Variants in RFX7 observed in about 807,000 individuals in gnomAD.
The protein encoded by RFX7 is regulatory factor X7.
In RFX7, 26 loss-of-function variants were observed where a neutral mutation model predicts 111.8. The observed-to-expected ratio is 0.23, with a 90% CI of 0.17 to 0.32. The LOEUF is 0.32. Ranked by LOEUF, RFX7 falls within the 10% of genes least tolerant of loss-of-function variation. The pLI is 1.00. For synonymous variants in RFX7, 624 were observed against 624.4 expected, an observed-to-expected ratio of 1.00 and a Z score of 0.01; for missense variants, 1,573 against 1,772.9, an observed-to-expected ratio of 0.89 and a Z score of 2.02.
upstream of RFX7, chr15:56,244,006 G>C (rs2043771930): frequency 6.7e-6 from 1 of 148,480 alleles, no homozygotes; most frequent in African/African-American, 2.5e-5. Flanking sequence ...GCGCGGGCCA[G>C]CGGGCCAGGG....
At position 56,124,079 on chromosome 15, in the gene RFX7, T is replaced by A. The variant is rs140692871; in HGVS notation, c.401+18699A>T. ...AAATTTGGTGTTCCTGCAGGGAGGA[T>A]GATCAGTGGAGGCTTCTATTTGGCC... is the stretch of plus-strand genomic sequence containing the variant. On this transcript the variant is annotated intron_variant, in intron 5 of 9. Coordinates refer to ENST00000559447, the MANE Select transcript of RFX7 (RefSeq NM_022841.7). Among the ~76,000 whole-genome samples the A allele has an allele frequency of 1.1e-3, 161 of 152,308 alleles. 5 individuals carry two copies. In the East Asian group the frequency reaches 0.026, roughly 25 times the overall value.
intron 3 of RFX7, among the ~76,000 whole-genome samples, chr15:56,165,137 T>C (rs2042768328): frequency 6.7e-6 from 1 of 149,866 alleles, no homozygotes; most frequent in African/African-American, 2.5e-5. Context: ...AAGAATCTAA[T>C]GCCGCTGCTG....
At chr15:56,229,924 G>C (rs1490058498) in intron 2 of RFX7, among the ~76,000 whole-genome samples, 1 of 151,414 alleles carries the variant, frequency 6.6e-6, no homozygotes, top group Admixed American at 6.6e-5. Flanking sequence ...GGCCCTCACA[G>C]TTGTTTTCCT....
chr15:56,169,330 A>C (rs1351229594), intron 3 of RFX7, among the ~76,000 whole-genome samples: 1 of 152,206 alleles, frequency 6.6e-6, no homozygotes, highest in African/African-American at 2.4e-5. Context: ...TATGGTGAGC[A>C]TTTATTTTTA....
At chr15:56,124,547 C>T (rs1297083073) in intron 5 of RFX7, among the ~76,000 whole-genome samples, 2 of 152,198 alleles carry the variant, frequency 1.3e-5, no homozygotes, top group African/African-American at 4.8e-5. Flanking sequence ...CTGAAAGTAG[C>T]TATCCTAACA....
At chr15:56,197,557 T>C (rs2043156868) in intron 2 of RFX7, among the ~76,000 whole-genome samples, 2 of 152,106 alleles carry the variant, frequency 1.3e-5, no homozygotes, top group Non-Finnish European at 2.9e-5. Flanking sequence ...CAGTGGGCCA[T>C]CCCTTCCCTT....
chr15:56,155,672 G>A (rs1284963840), intron 3 of RFX7, among the ~76,000 whole-genome samples: 1 of 152,112 alleles, frequency 6.6e-6, no homozygotes, highest in Non-Finnish European at 1.5e-5. Flanking sequence ...TAGGTGACGG[G>A]TTGATAGGTA....
At chr15:56,188,540 A>G (rs551436951) in intron 2 of RFX7, among the ~76,000 whole-genome samples, 1 of 152,332 alleles carries the variant, frequency 6.6e-6, no homozygotes, top group Admixed American at 6.5e-5. Context: ...CAGCCAGAAA[A>G]AAGTAACATT....
At chr15:56,210,049 A>T (rs1364064600) in intron 2 of RFX7, among the ~76,000 whole-genome samples, 1 of 152,104 alleles carries the variant, frequency 6.6e-6, no homozygotes, top group African/African-American at 2.4e-5. Flanking sequence ...AGAGTGGATC[A>T]AGAAATAAGA....
intron 5 of RFX7, among the ~76,000 whole-genome samples, chr15:56,141,656 A>AATATATATATATATAATATATATATATAT (rs2042397373): frequency 1.2e-5 from 1 of 83,210 alleles, no homozygotes; most frequent in Non-Finnish European, 2.2e-5. Context: ...GCTTACTCTA[A>AATATATATATATATAATATATATATATAT]ATATATATAT....
At chr15:56,207,256 G>T (rs2043263371) in intron 2 of RFX7, among the ~76,000 whole-genome samples, 1 of 152,078 alleles carries the variant, frequency 6.6e-6, no homozygotes. Context: ...AGAACTGTGG[G>T]TATCAGAGAC....
At chr15:56,187,356 G>A (rs185763606) in intron 2 of RFX7, among the ~76,000 whole-genome samples, 78 of 151,860 alleles carry the variant, frequency 5.1e-4, no homozygotes, top group Middle Eastern at 3.4e-3. Context: ...GATTACAGGC[G>A]CATGTTGCCA....
chr15:56,187,838 A>T (rs1376089793), intron 2 of RFX7, among the ~76,000 whole-genome samples: 1 of 152,216 alleles, frequency 6.6e-6, no homozygotes, highest in African/African-American at 2.4e-5. Flanking sequence ...TAAAACAAAA[A>T]GTCAACACTC....
chr15:56,234,978 C>T (rs188463726), intron 2 of RFX7, among the ~76,000 whole-genome samples: 2 of 152,234 alleles, frequency 1.3e-5, no homozygotes, highest in African/African-American at 2.4e-5. Context: ...ACGAAAGGTT[C>T]GTGAGACATG....
intron 2 of RFX7, among the ~76,000 whole-genome samples, chr15:56,203,746 G>C (rs538668109): frequency 1.3e-5 from 2 of 152,100 alleles, no homozygotes; most frequent in Non-Finnish European, 2.9e-5. Context: ...CAAATGCCAC[G>C]GCAATGTCAG....
intron 2 of RFX7, among the ~76,000 whole-genome samples, chr15:56,200,866 G>A (rs1340122667): frequency 6.6e-6 from 1 of 151,726 alleles, no homozygotes; most frequent in Non-Finnish European, 1.5e-5. Flanking sequence ...GAGGATAAAT[G>A]TGACTTCAAT....
At chr15:56,200,901 CTAATAGGTGACAT>C (rs1375258421) in intron 2 of RFX7, among the ~76,000 whole-genome samples, 1 of 151,068 alleles carries the variant, frequency 6.6e-6, no homozygotes, top group Non-Finnish European at 1.5e-5. Flanking sequence ...TTAGGTGCCA[CTAATAGGTGACAT>C]GCTATGTATG....
intron 3 of RFX7, among the ~76,000 whole-genome samples, chr15:56,149,801 CTTT>C (rs1349462383): frequency 6.8e-6 from 1 of 146,288 alleles, no homozygotes; most frequent in Non-Finnish European, 1.5e-5. Flanking sequence ...GATGCAGGAG[CTTT>C]TTTTTTTTTC....
rs1195616232 is a variant in RFX7 at position 56,138,043 on chromosome 15, T to A, written c.401+4735A>T. On this transcript the variant is annotated intron_variant, in intron 5 of 9. Transcript: ENST00000559447. Reference sequence around the variant, plus strand: ...GAGAGCTTTACTTCCAAGTATGTGGTCAATTTTGGAATAGGTGTGGTGTGG... The same window carrying A: ...GAGAGCTTTACTTCCAAGTATGTGGACAATTTTGGAATAGGTGTGGTGTGG... Among the ~76,000 whole-genome samples, 12 of 148,206 alleles carry A rather than the reference T, an allele frequency of 8.1e-5. No homozygotes were observed. The South Asian group carries it at 2.7e-3, about 33-fold the overall frequency.
Sources: allele counts gnomAD v4.1 joint callset (sites outside exome capture counted in the v4.1 genomes callset), GRCh38; gene constraint gnomAD v4.1.1; transcripts MANE v1.5; gene names NCBI Gene and HGNC (gene_info 2026-07-23, HGNC 2026-07-21).